The following HIBCH variants were observed in gnomAD, a reference collection of about 807,000 sequenced individuals.
HIBCH encodes the protein 3-hydroxyisobutyryl-CoA hydrolase, mitochondrial.
A neutral mutation model predicts 58.2 loss-of-function variants in HIBCH; 50 were observed. That is an observed-to-expected ratio of 0.86 (90% CI 0.68 to 1.09). The LOEUF is 1.09. Ranked by LOEUF, HIBCH falls within the 50% of genes least tolerant of loss-of-function variation. The probability of loss-of-function intolerance (pLI) is 0.00; values close to 1 mark genes in which losing one functional copy is unlikely to be tolerated. For missense variants in HIBCH, 450 were observed against 449.7 expected, an observed-to-expected ratio of 1.00 and a Z score of -0.01; for synonymous variants, 151 against 146.9, an observed-to-expected ratio of 1.03 and a Z score of -0.20.
intron 6 of HIBCH, among the ~76,000 whole-genome samples, chr2:190,261,967 C>A (rs1687098093): frequency 6.6e-6 from 1 of 151,992 alleles, no homozygotes; most frequent in Non-Finnish European, 1.5e-5. Flanking sequence ...GGAGACTAAC[C>A]AGAATTCAGA....
rs291402 is a variant in HIBCH, at chr2:190,252,480, G to A, written c.518-173C>T. Among the ~76,000 whole-genome samples, 47,105 of 152,048 alleles carry A rather than the reference G, an allele frequency of 0.31. 8,364 individuals carry two copies. Among genetic ancestry groups the A allele is most frequent in the African/African-American group, 0.47 (19,267 of 41,422 alleles). On this transcript the variant is annotated intron_variant, in intron 7 of 13. Transcript: ENST00000359678. The stretch of plus-strand genomic sequence containing the variant: ...ATCAATATCACAAAAGACTTGCTAT[G>A]AACTGTGCTAACTTGGGTATTTTTC...
intron 11 of HIBCH, among the ~76,000 whole-genome samples, chr2:190,230,635 C>A (rs1686068780): frequency 6.6e-6 from 1 of 152,198 alleles, no homozygotes; most frequent in South Asian, 2.1e-4. Context: ...GTGGAGGCTG[C>A]AGTGAGCCAA....
At chr2:190,249,179 A>G (rs912831923) in intron 9 of HIBCH, among the ~76,000 whole-genome samples, 20 of 152,206 alleles carry the variant, frequency 1.3e-4, no homozygotes, top group Admixed American at 1.2e-3. Context: ...CATGTATTCA[A>G]TCATGTTTAA....
chr2:190,250,358 A>T (rs1253407631), intron 8 of HIBCH: 1 of 467,030 alleles, frequency 2.1e-6, no homozygotes, highest in Admixed American at 2.4e-5. Flanking sequence ...TTTTCTTTGT[A>T]TTGTTTTTAC....
rs1690605787 is a variant in HIBCH at position 190,215,364 on chromosome 2, C to T, written c.892-2289G>A. On this transcript the variant is annotated intron_variant, in intron 11 of 13. Coordinates refer to ENST00000359678, the MANE Select transcript of HIBCH (RefSeq NM_014362.4). This position sits in a 1 kb window ranked among gnomAD's most constrained non-coding sequence, Gnocchi z 4.4. Reference sequence around the variant, plus strand: ...AAAGAGATCGGGCCCAAATGCAGGACCTAAGGGAACTAATAATTAAAGGGA... The same window carrying T: ...AAAGAGATCGGGCCCAAATGCAGGATCTAAGGGAACTAATAATTAAAGGGA... The T allele has an allele frequency of 6.6e-6, 1 of 152,014 alleles. No individual in the cohort carries two copies. Among genetic ancestry groups the T allele is most frequent in the Non-Finnish European group, 1.5e-5 (1 of 67,994 alleles). 9.4% of individuals were successfully genotyped at this position (152,014 alleles called of 1,614,324 possible). A position where few individuals can be genotyped will look rare whatever the true frequency, so the allele number is the denominator to read the frequency against.
Position 190,216,623 on chromosome 2 carries a change from T to C in HIBCH, c.892-3548A>G, listed in dbSNP as rs927520990. ...AGCTGTGATGCCAAACTGTCTGCTT[T>C]GTCAGAGGCCAGAATTCTTTTTATC... is the stretch of plus-strand genomic sequence containing the variant. On this transcript the variant is annotated intron_variant, in intron 11 of 13. Transcript: ENST00000359678. This position sits in a 1 kb window ranked among gnomAD's most constrained non-coding sequence, Gnocchi z 4.2. 6.6e-6 allele frequency among the ~76,000 whole-genome samples: 1 copy of C among 152,206 alleles called. No homozygotes were observed. The highest frequency in any genetic ancestry group is 1.5e-5 in the Non-Finnish European group (1 of 68,030).
At chr2:190,201,725 G>A (rs1422681041), downstream of HIBCH, 4 of 166,816 alleles carry the variant, frequency 2.4e-5, no homozygotes, top group African/African-American at 4.8e-5. Flanking sequence ...CCGAGTCCCG[G>A]GATTTGTACT....
rs1003310779 is a variant in HIBCH, at chr2:190,304,400, G to C, written c.78+6354C>G. On this transcript the variant is annotated intron_variant, in intron 2 of 13. Transcript: ENST00000359678. This position sits in a 1 kb window ranked among gnomAD's most constrained non-coding sequence, Gnocchi z 4.1. ...GTACAGGGCATCATATGTCAAGGAA[G>C]CTAAGCATGCTAGCTCAGATCTCTC... 6.6e-6 allele frequency among the ~76,000 whole-genome samples: 1 copy of C among 152,154 alleles called. No individual in the cohort carries two copies. The highest frequency in any genetic ancestry group is 1.5e-5 in the Non-Finnish European group (1 of 68,022).
At position 190,306,347 on chromosome 2, in the gene HIBCH, CA is replaced by C. The variant is rs1688405456; in HGVS notation, c.78+4406del. ...GACCACTCCTTGCCTGGGTCATTTTCAAGGTAGCCACCATGAAGAAAAAGGT... is the reference window on the plus strand; with the variant it reads ...GACCACTCCTTGCCTGGGTCATTTTCAGGTAGCCACCATGAAGAAAAAGGT... On this transcript the variant is annotated intron_variant, in intron 2 of 13. Coordinates refer to ENST00000359678, the MANE Select transcript of HIBCH (RefSeq NM_014362.4). This position sits in a 1 kb window ranked among gnomAD's most constrained non-coding sequence, Gnocchi z 4.6. Among the ~76,000 whole-genome samples the C allele has an allele frequency of 6.6e-6, 1 of 152,110 alleles. No individual in the cohort carries two copies.
intron 1 of HIBCH, among the ~76,000 whole-genome samples, chr2:190,191,201 G>A (rs1409463743): frequency 6.6e-6 from 1 of 152,020 alleles, no homozygotes; most frequent in Non-Finnish European, 1.5e-5. Flanking sequence ...GCAGTTGCGT[G>A]ATCTCAGCTC....
intron 4 of HIBCH, among the ~76,000 whole-genome samples, chr2:190,293,449 G>A (rs577145601): frequency 8.3e-4 from 91 of 109,082 alleles, no homozygotes; most frequent in African/African-American, 2.1e-3. Context: ...GCGAAACTCC[G>A]TCTCAAAAAA....
intron 6 of HIBCH, among the ~76,000 whole-genome samples, chr2:190,275,191 A>G (rs1687514598): frequency 6.6e-6 from 1 of 152,192 alleles, no homozygotes; most frequent in Admixed American, 6.5e-5. Context: ...GGTGGTGGAA[A>G]AAAAGGAAGA....
In HIBCH at chr2:190,319,805, G is replaced by A. The variant is rs1688803012; in HGVS notation, c.-55C>T. ...AGCGAGAATCTCCCGGACCGTTCCA[G>A]CGCCTCGCGTGAGCCCCGCCCACCG... On this transcript the variant is annotated 5_prime_UTR_variant, in exon 1 of 14. Transcript: ENST00000359678. 1.3e-6 allele frequency: 2 copies of A among 1,585,344 alleles called. No individual in the cohort carries two copies. Among genetic ancestry groups the A allele is most frequent in the Non-Finnish European group, 1.7e-6 (2 of 1,164,876 alleles).
At chr2:190,280,917 G>GGTCT (rs1687691167) in intron 6 of HIBCH, 1 of 152,168 alleles carries the variant, frequency 6.6e-6, no homozygotes, top group African/African-American at 2.4e-5. Context: ...TGTCACTCCT[G>GGTCT]CTCAAAAACT....
intron 11 of HIBCH, among the ~76,000 whole-genome samples, chr2:190,219,718 C>T (rs1052777969): frequency 2.0e-5 from 3 of 152,034 alleles, no homozygotes; most frequent in South Asian, 4.2e-4. Flanking sequence ...TATAAGGAAC[C>T]GGGGGAGGGT....
chr2:190,218,923 G>A (rs570952996), intron 11 of HIBCH, among the ~76,000 whole-genome samples: 3 of 152,302 alleles, frequency 2.0e-5, no homozygotes, highest in South Asian at 4.1e-4. Flanking sequence ...CAGTAAGCCC[G>A]TGGGAAAACT....
At chr2:190,310,509 C>T (rs1688530135) in intron 2 of HIBCH, among the ~76,000 whole-genome samples, 1 of 152,100 alleles carries the variant, frequency 6.6e-6, no homozygotes, top group Admixed American at 6.6e-5. Context: ...AGTAATCCAC[C>T]CAAGATTAAG....
chr2:190,212,917 T>C, intron 12 of HIBCH, 39 bp downstream of exon 12: 1 of 1,554,678 alleles, frequency 6.4e-7, no homozygotes, highest in Non-Finnish European at 8.8e-7. Context: ...TATGTTACTT[T>C]TAGAACTAAA....
At chr2:190,308,550 G>A (rs1444408005) in intron 2 of HIBCH, among the ~76,000 whole-genome samples, 1 of 152,142 alleles carries the variant, frequency 6.6e-6, no homozygotes, top group Non-Finnish European at 1.5e-5. Context: ...ATAAGAGGAA[G>A]AGGCAGACCT....
Sources: gnomAD v4.1 joint callset for allele counts (sites outside exome capture counted in the v4.1 genomes callset) on GRCh38, gnomAD v4.1.1 for gene constraint, Gnocchi (gnomAD v3.1) non-coding constraint, MANE v1.5 for transcripts, NCBI Gene and HGNC (gene_info 2026-07-23, HGNC 2026-07-21) for gene names.